POF1B: variants seen among roughly 807,000 people sequenced by gnomAD.
The protein encoded by POF1B is protein POF1B.
In POF1B, 53 loss-of-function variants were observed where a neutral mutation model predicts 55.3. The ratio of observed to expected loss-of-function variants is 0.96; its 90% confidence interval spans 0.77 to 1.20. The LOEUF (loss-of-function observed/expected upper bound fraction) is 1.20. Among genes scored for constraint, POF1B ranks in the 50% most tolerant of loss-of-function variants. The probability of loss-of-function intolerance (pLI) is 0.00; values close to 1 mark genes in which losing one functional copy is unlikely to be tolerated. For synonymous variants in POF1B, 188 were observed against 148.3 expected (o/e 1.27, Z -1.95); for missense variants, 478 against 420.5 (o/e 1.14, Z -1.20).
At chrX:85,364,831 C>T (rs1046940974) in intron 3 of POF1B, among the ~76,000 whole-genome samples, 1 of 112,174 alleles carries the variant, frequency 8.9e-6, no homozygotes, top group African/African-American at 3.2e-5. Context: ...TGGACCATAT[C>T]CTCAAATGTG....
chrX:85,351,125 T>C (rs1933377418), intron 5 of POF1B, among the ~76,000 whole-genome samples: 1 of 111,459 alleles, frequency 9.0e-6, no homozygotes. Context: ...ACTTCACATA[T>C]CCTGGTTTCA....
chrX:85,321,764 T>C (rs771849476), intron 7 of POF1B, among the ~76,000 whole-genome samples: 2 of 101,645 alleles, frequency 2.0e-5, no homozygotes, highest in South Asian at 8.8e-4. Flanking sequence ...ACAAAATCAA[T>C]GTACAAAAAT....
Position 85,302,102 on chromosome X carries a change from G to A in POF1B, c.1649+1304C>T, listed in dbSNP as rs745541430. 8.9e-4 allele frequency among the ~76,000 whole-genome samples: 98 copies of A among 110,506 alleles called. 1 individual carries two copies. Among genetic ancestry groups the A allele is most frequent in the African/African-American group, 3.0e-3 (92 of 30,485 alleles). ...AAGCAAGAAAAAATATAGATGAATT[G>A]GATTTTTTTCTATATTAAATACTTA... On this transcript the variant is annotated intron_variant, in intron 15 of 16. Coordinates refer to ENST00000262753, the MANE Select transcript of POF1B (RefSeq NM_024921.4).
chrX:85,291,946 T>G (rs1235779885), intron 15 of POF1B, among the ~76,000 whole-genome samples: 1 of 111,029 alleles, frequency 9.0e-6, no homozygotes, highest in Non-Finnish European at 1.9e-5. Context: ...GTTCAGTACT[T>G]GAATGTACCT....
chrX:85,352,627 A>C (rs1000360108), intron 4 of POF1B, among the ~76,000 whole-genome samples: 14 of 111,360 alleles, frequency 1.3e-4, no homozygotes, highest in African/African-American at 4.5e-4. Flanking sequence ...CTAAAGCTGG[A>C]TATATTTAGA....
chrX:85,282,538 G>A (rs762667228), intron 15 of POF1B, among the ~76,000 whole-genome samples: 31 of 111,212 alleles, frequency 2.8e-4, no homozygotes, highest in Non-Finnish European at 3.8e-4. Flanking sequence ...TTCTGTTTCT[G>A]GCCATGATGG....
In POF1B at chrX:85,318,731, G is replaced by T. The variant is rs758414161; in HGVS notation, c.855-2997C>A. ...TCTATTCTGTTCTATGGGTCTGTGT[G>T]TCTGTTTTTGTAGAAATACCATGCT... On this transcript the variant is annotated intron_variant, in intron 7 of 16. Coordinates refer to ENST00000262753, the MANE Select transcript of POF1B (RefSeq NM_024921.4). Among the ~76,000 whole-genome samples the T allele has an allele frequency of 6.3e-5, 7 of 111,322 alleles. No homozygotes were observed. The South Asian group carries it at 2.6e-3, about 41-fold the overall frequency.
intron 16 of POF1B, among the ~76,000 whole-genome samples, chrX:85,281,145 G>GA (rs753473587): frequency 4.2e-4 from 45 of 108,020 alleles, no homozygotes; most frequent in Non-Finnish European, 6.9e-4. Context: ...AAATATTCAG[G>GA]AAAAAAATCA....
At chrX:85,319,277 A>G (rs772680659) in intron 7 of POF1B, among the ~76,000 whole-genome samples, 1 of 111,328 alleles carries the variant, frequency 9.0e-6, no homozygotes, top group Non-Finnish European at 1.9e-5. Flanking sequence ...GGCAGAGACT[A>G]TGGAGTTTTC....
At chrX:85,339,145 A>G in intron 6 of POF1B, among the ~76,000 whole-genome samples, 1 of 111,155 alleles carries the variant, frequency 9.0e-6, no homozygotes, top group Non-Finnish European at 1.9e-5. Flanking sequence ...AGGCCTCACA[A>G]TCATGGTGGG....
chrX:85,296,318 T>A (rs1462020392), intron 15 of POF1B, among the ~76,000 whole-genome samples: 1 of 112,364 alleles, frequency 8.9e-6, no homozygotes, highest in African/African-American at 3.2e-5. Context: ...TTTGGTTGTG[T>A]AGTTGTTTCA....
chrX:85,310,340 A>C (rs1227476136), intron 9 of POF1B, among the ~76,000 whole-genome samples: 2 of 112,213 alleles, frequency 1.8e-5, no homozygotes, highest in African/African-American at 3.2e-5. Context: ...TCAATGACAA[A>C]ATAGAAAGTC....
intron 4 of POF1B, among the ~76,000 whole-genome samples, chrX:85,355,165 T>C (rs145308548): frequency 0.062 from 6,855 of 110,642 alleles, 478 homozygotes; most frequent in African/African-American, 0.2. Context: ...ACATCTACAA[T>C]CACCTGATCT....
intron 9 of POF1B, among the ~76,000 whole-genome samples, chrX:85,310,993 A>T (rs1247111669): frequency 8.9e-6 from 1 of 111,809 alleles, no homozygotes; most frequent in Admixed American, 9.5e-5. Flanking sequence ...CAGTGAAATT[A>T]TCCTTTAGGA....
At chrX:85,299,202 T>C (rs1449091401) in intron 15 of POF1B, among the ~76,000 whole-genome samples, 22 of 104,739 alleles carry the variant, frequency 2.1e-4, no homozygotes, top group African/African-American at 7.6e-4. Context: ...TTTTTTTTTT[T>C]TTTTTTTGAG....
intron 6 of POF1B, among the ~76,000 whole-genome samples, chrX:85,337,908 G>A (rs185911974): frequency 1.8e-5 from 2 of 111,370 alleles, no homozygotes; most frequent in African/African-American, 6.5e-5. Context: ...ATTAAATGGG[G>A]GGGAAGTGCT....
Position 85,303,484 on chromosome X carries a change from A to G in POF1B, c.1571T>C (p.Leu524Pro). Residue 524 changes from leucine to proline, a missense_variant, in exon 15 of 17, where the codon CTC becomes CCC. Transcript: ENST00000262753. ...DSLIKRQSEE[L>P]SKLRQEIYSS... ...ATATATTTCTTGCCGCAACTTGGAG[A>G]GTTCCTTACAAATAAAAGATAATAT... 8.7e-7 allele frequency: 1 copy of G among 1,143,163 alleles called. No individual in the cohort carries two copies. Among genetic ancestry groups the G allele is most frequent in the Admixed American group, 2.3e-5 (1 of 43,925 alleles). 94.2% of individuals were successfully genotyped at this position (1,143,163 alleles called of 1,213,427 possible). A position where few individuals can be genotyped will look rare whatever the true frequency, so the allele number is the denominator to read the frequency against.
At chrX:85,325,777 C>A (rs1255601572) in intron 7 of POF1B, among the ~76,000 whole-genome samples, 1 of 112,004 alleles carries the variant, frequency 8.9e-6, no homozygotes, top group African/African-American at 3.2e-5. Flanking sequence ...AGAGTTCTTG[C>A]ACTGGTTATC....
chrX:85,367,575 C>A, intron 3 of POF1B, 117 bp downstream of exon 3: 1 of 487,607 alleles, frequency 2.1e-6, no homozygotes, highest in South Asian at 3.2e-5. Flanking sequence ...TTTTATGATC[C>A]TCACATGGTG....
Sources: allele counts gnomAD v4.1 joint callset (sites outside exome capture counted in the v4.1 genomes callset), GRCh38; gene constraint gnomAD v4.1.1; transcripts MANE v1.5; gene names NCBI Gene and HGNC (gene_info 2026-07-23, HGNC 2026-07-21).